XKR6: variants seen among roughly 807,000 people sequenced by gnomAD.
The protein encoded by XKR6 is XK related 6, also known as XK-related protein 6.
XKR6 carries 22 observed loss-of-function variants against 56.7 expected under a neutral mutation model. The ratio of observed to expected loss-of-function variants is 0.39; its 90% CI spans 0.28 to 0.55. The LOEUF (loss-of-function observed/expected upper bound fraction) is 0.55. XKR6 is among the 20% of genes least tolerant of loss of function. XKR6 has a pLI of 0.66. For missense variants in XKR6, 852 were observed against 889.0 expected (o/e 0.96, Z 0.53); for synonymous variants, 524 against 387.8 (o/e 1.35, Z -4.13).
chr8:10,900,796 C>G (rs1800013210), intron 2 of XKR6, among the ~76,000 whole-genome samples: 1 of 150,822 alleles, frequency 6.6e-6, no homozygotes, highest in African/African-American at 2.4e-5. Flanking sequence ...AGGGAGAACT[C>G]CCCTTAGGAG....
intron 1 of XKR6, among the ~76,000 whole-genome samples, chr8:11,000,568 C>G (rs1001011874): frequency 6.6e-6 from 1 of 152,106 alleles, no homozygotes; most frequent in East Asian, 1.9e-4. Flanking sequence ...GCCTGTAGTC[C>G]CAGCTACTCG....
chr8:10,984,695 GCTCTCTCTCTCT>G lies in XKR6; in HGVS notation c.765-59877_765-59866del, dbSNP rs61138077. Reference sequence around the variant, plus strand: ...AGTAACACAAAAGATAAAATACATGGCTCTCTCTCTCTCTCTCTCTCTCTCTCTCTCTCTCTC... The same window carrying G: ...AGTAACACAAAAGATAAAATACATGGCTCTCTCTCTCTCTCTCTCTCTCTC... On this transcript the variant is annotated intron_variant, in intron 1 of 2. Coordinates refer to ENST00000416569, the MANE Select transcript of XKR6 (RefSeq NM_173683.4). 9.8e-4 allele frequency among the ~76,000 whole-genome samples: 55 copies of G among 56,334 alleles called. 1 individual carries two copies. The highest frequency in any genetic ancestry group is 2.9e-3 in the African/African-American group (45 of 15,700). 37.0% of individuals were successfully genotyped at this position (56,334 alleles called of 152,430 possible). A position where few individuals can be genotyped will look rare whatever the true frequency, so the allele number is the denominator to read the frequency against.
intron 1 of XKR6, among the ~76,000 whole-genome samples, chr8:10,944,642 C>G (rs1389190286): frequency 6.6e-6 from 1 of 152,184 alleles, no homozygotes. Flanking sequence ...TTCATAGGCT[C>G]TGAGTATGAG....
At chr8:10,995,391 T>C (rs1798086641) in intron 1 of XKR6, among the ~76,000 whole-genome samples, 1 of 147,970 alleles carries the variant, frequency 6.8e-6, no homozygotes, top group Non-Finnish European at 1.5e-5. Context: ...ATATGATATA[T>C]ATAGTAGATA....
intron 2 of XKR6, among the ~76,000 whole-genome samples, chr8:10,913,467 C>T (rs144519969): frequency 6.6e-6 from 1 of 152,256 alleles, no homozygotes; most frequent in African/African-American, 2.4e-5. Context: ...GGTGAAAGCA[C>T]TTCACTCAGC....
At chr8:11,037,209 G>C (rs1049871034) in intron 1 of XKR6, among the ~76,000 whole-genome samples, 1 of 152,158 alleles carries the variant, frequency 6.6e-6, no homozygotes, top group East Asian at 1.9e-4. Flanking sequence ...GTGATTACAT[G>C]AGTTGATCAA....
At chr8:11,074,165 C>T (rs1300846468) in intron 1 of XKR6, among the ~76,000 whole-genome samples, 4 of 152,192 alleles carry the variant, frequency 2.6e-5, no homozygotes, top group Non-Finnish European at 4.4e-5. Flanking sequence ...AGTATTTCTC[C>T]GAGGTTCACG....
chr8:10,975,323 C>T (rs1422080458), intron 1 of XKR6, among the ~76,000 whole-genome samples: 1 of 152,246 alleles, frequency 6.6e-6, no homozygotes, highest in African/African-American at 2.4e-5. Context: ...AAGCAAAGAA[C>T]ACAGTGCATT....
intron 1 of XKR6, among the ~76,000 whole-genome samples, chr8:11,041,928 C>T (rs1285104869): frequency 6.6e-6 from 1 of 152,218 alleles, no homozygotes; most frequent in Non-Finnish European, 1.5e-5. Flanking sequence ...ATGTAAACCA[C>T]ACACATGTAT....
chr8:11,100,498 T>G (rs551291572), intron 1 of XKR6, among the ~76,000 whole-genome samples: 6 of 152,168 alleles, frequency 3.9e-5, no homozygotes, highest in Non-Finnish European at 8.8e-5. Flanking sequence ...TATCGTGAGA[T>G]CTTATGACCA....
At chr8:11,012,770 A>T (rs1375906896) in intron 1 of XKR6, among the ~76,000 whole-genome samples, 1 of 152,168 alleles carries the variant, frequency 6.6e-6, no homozygotes, top group East Asian at 1.9e-4. Flanking sequence ...GTACACTAAC[A>T]GCTCATTAAC....
At chr8:10,954,580 C>T (rs552078973) in intron 1 of XKR6, among the ~76,000 whole-genome samples, 42 of 152,288 alleles carry the variant, frequency 2.8e-4, no homozygotes, top group African/African-American at 1.0e-3. Context: ...ACATGATTTA[C>T]ACATATTTTC....
chr8:10,952,102 G>A (rs1801744626), intron 1 of XKR6, among the ~76,000 whole-genome samples: 2 of 152,158 alleles, frequency 1.3e-5, no homozygotes, highest in African/African-American at 2.4e-5. Flanking sequence ...CAGCCCTCCT[G>A]CCCCTCTCCA....
chr8:10,897,838 G>T lies in XKR6; in HGVS notation c.*114C>A. On this transcript the variant is annotated 3_prime_UTR_variant, in exon 3 of 3. Transcript: ENST00000416569. ...GTGGTGGTGTTGGTGTGGCGGTGTT[G>T]GTGGTGGTGGCGGTGGTTCTGTGTA... The T allele has an allele frequency of 1.5e-6, 2 of 1,322,996 alleles. No homozygotes were observed. Among genetic ancestry groups the T allele is most frequent in the South Asian group, 1.6e-5 (1 of 61,346 alleles). 82.0% of individuals were successfully genotyped at this position (1,322,996 alleles called of 1,614,324 possible). A position where few individuals can be genotyped will look rare whatever the true frequency, so the allele number is the denominator to read the frequency against.
At chr8:11,060,718 C>A (rs13261031) in intron 1 of XKR6, among the ~76,000 whole-genome samples, 35,751 of 152,162 alleles carry the variant, frequency 0.23, 4,773 homozygotes, top group Non-Finnish European at 0.31. Flanking sequence ...TACTAGGCGC[C>A]AAATGCTGAG....
At chr8:11,169,454 A>T (rs1020664974) in intron 1 of XKR6, among the ~76,000 whole-genome samples, 1 of 147,852 alleles carries the variant, frequency 6.8e-6, no homozygotes, top group Non-Finnish European at 1.5e-5. Flanking sequence ...TTTGGTCTTA[A>T]AAAAAAGGAA....
intron 1 of XKR6, among the ~76,000 whole-genome samples, chr8:11,009,751 C>T (rs941132950): frequency 1.3e-5 from 2 of 152,136 alleles, no homozygotes; most frequent in Non-Finnish European, 1.5e-5. Flanking sequence ...GAAAGGACAT[C>T]AGGGAAAACT....
At chr8:11,042,562 C>G (rs186371341) in intron 1 of XKR6, among the ~76,000 whole-genome samples, 129 of 152,332 alleles carry the variant, frequency 8.5e-4, no homozygotes, top group Middle Eastern at 6.8e-3. Context: ...CCAGGTGGAA[C>G]TGTGAGTCCA....
At chr8:11,130,162 C>A (rs1391467848) in intron 1 of XKR6, among the ~76,000 whole-genome samples, 1 of 152,084 alleles carries the variant, frequency 6.6e-6, no homozygotes, top group Non-Finnish European at 1.5e-5. Context: ...GGAAATAACA[C>A]TATTTTGTGG....
Sources: allele counts gnomAD v4.1 joint callset (sites outside exome capture counted in the v4.1 genomes callset), GRCh38; gene constraint gnomAD v4.1.1; transcripts MANE v1.5; gene names NCBI Gene and HGNC (gene_info 2026-07-23, HGNC 2026-07-21).